Variants in GRAMD1B observed in about 807,000 individuals in gnomAD.
The protein encoded by GRAMD1B is GRAM domain containing 1B.
GRAMD1B carries 37 observed loss-of-function variants against 99.7 expected under a neutral mutation model. That is an observed-to-expected ratio of 0.37 (90% CI 0.29 to 0.49). The LOEUF (loss-of-function observed/expected upper bound fraction) is 0.49. Among genes scored for constraint, GRAMD1B ranks in the 20% least tolerant of loss-of-function variants. GRAMD1B has a pLI of 0.98. For missense variants in GRAMD1B, 888 were observed against 1,009.2 expected, an observed-to-expected ratio of 0.88 and a Z score of 1.63; for synonymous variants, 427 against 387.6, an observed-to-expected ratio of 1.10 and a Z score of -1.19.
chr11:123,562,490 C>T lies in GRAMD1B; in HGVS notation c.453-14877C>T, dbSNP rs116050781. Among the ~76,000 whole-genome samples, 1,155 of 152,326 alleles carry T rather than the reference C, an allele frequency of 7.6e-3. 11 individuals are homozygous for T. The highest frequency in any genetic ancestry group is 0.02 in the African/African-American group (825 of 41,572). On this transcript the variant is annotated intron_variant, in intron 2 of 19. Transcript: ENST00000635736. ...GAAGCAGTCGTGGACAATTTATGAA[C>T]GAACGAGCATGGCTGTGTTCCCAAT...
At chr11:123,450,855 G>A (rs73607991) in intron 1 of GRAMD1B, among the ~76,000 whole-genome samples, 12,832 of 152,244 alleles carry the variant, frequency 0.084, 649 homozygotes, top group African/African-American at 0.14. Context: ...CTCTTCTGGT[G>A]TTTGTGGGAG....
chr11:123,527,398 G>T (rs1159167322), intron 2 of GRAMD1B, among the ~76,000 whole-genome samples: 1 of 152,210 alleles, frequency 6.6e-6, no homozygotes, highest in East Asian at 1.9e-4. Flanking sequence ...AAGGCACTTT[G>T]CAGAAGGCAA....
At chr11:123,366,969 T>C (rs1394700384) in intron 1 of GRAMD1B, among the ~76,000 whole-genome samples, 1 of 152,158 alleles carries the variant, frequency 6.6e-6, no homozygotes, top group Non-Finnish European at 1.5e-5. Context: ...TTTGGGAGGC[T>C]AAGGTGGGAG....
chr11:123,478,381 T>C (rs1324109661), intron 1 of GRAMD1B, among the ~76,000 whole-genome samples: 2 of 152,232 alleles, frequency 1.3e-5, no homozygotes, highest in Non-Finnish European at 2.9e-5. Context: ...TGAATACTTG[T>C]TGGATGCATG....
chr11:123,570,421 C>CTTTTTTTTTTTTTTTTTT (rs755038860), intron 2 of GRAMD1B, among the ~76,000 whole-genome samples: 3 of 130,578 alleles, frequency 2.3e-5, no homozygotes, highest in Non-Finnish European at 4.8e-5. Flanking sequence ...TTTTTCTTTT[C>CTTTTTTTTTTTTTTTTTT]TTTTTTTTTT....
chr11:123,390,540 T>C (rs1164110016), intron 1 of GRAMD1B, among the ~76,000 whole-genome samples: 2 of 152,274 alleles, frequency 1.3e-5, no homozygotes, highest in South Asian at 2.1e-4. Context: ...ACTACTGTTA[T>C]GATTCTCAGC....
chr11:123,556,838 A>AT (rs1946232432), intron 2 of GRAMD1B, among the ~76,000 whole-genome samples: 1 of 152,166 alleles, frequency 6.6e-6, no homozygotes, highest in Admixed American at 6.5e-5. Flanking sequence ...TCAGCTGGTC[A>AT]CCCCAGAGTT....
intron 5 of GRAMD1B, 67 bp from the exon 6 acceptor site, chr11:123,594,668 T>C (rs1951056741): frequency 1.2e-6 from 1 of 811,530 alleles, no homozygotes; most frequent in South Asian, 1.4e-5. Context: ...ATGACATGCC[T>C]ACTCTGCAGT....
chr11:123,376,534 A>G (rs566846007), intron 1 of GRAMD1B, among the ~76,000 whole-genome samples: 14 of 152,352 alleles, frequency 9.2e-5, no homozygotes, highest in African/African-American at 3.1e-4. Flanking sequence ...TGATACAGAC[A>G]ATCGGAACTA....
At chr11:123,609,411 A>AGAGGAGAGGGC (rs1341593849) in intron 12 of GRAMD1B, among the ~76,000 whole-genome samples, 1 of 152,152 alleles carries the variant, frequency 6.6e-6, no homozygotes. Flanking sequence ...CTGTGTGCCA[A>AGAGGAGAGGGC]GAGGAGAGGG....
intron 1 of GRAMD1B, among the ~76,000 whole-genome samples, chr11:123,463,154 A>G (rs979088194): frequency 6.6e-6 from 1 of 152,174 alleles, no homozygotes; most frequent in Non-Finnish European, 1.5e-5. Context: ...AACTACAGGC[A>G]TGGGCCACCA....
intron 11 of GRAMD1B, among the ~76,000 whole-genome samples, 186 bp downstream of exon 11, chr11:123,606,984 C>T (rs1334749468): frequency 6.6e-6 from 1 of 152,150 alleles, no homozygotes; most frequent in African/African-American, 2.4e-5. Context: ...GTAGGAGCCT[C>T]CCATAGATAA....
Position 123,622,591 on chromosome 11 carries a change from A to C in GRAMD1B, c.2630A>C (p.His877Pro). 1 of 1,540,652 alleles carries C rather than the reference A, an allele frequency of 6.5e-7. No individual in the cohort carries two copies. The highest frequency in any genetic ancestry group is 8.8e-7 in the Non-Finnish European group (1 of 1,136,754). Reference protein sequence around the residue: ...SESEEKRNRYH With the variant: ...SESEEKRNRYP ...AGTGAAGAAAAGAGGAATCGCTATCATTGACAAGGCAGGAACAGGGTGGCT... is the reference window on the plus strand; with the variant it reads ...AGTGAAGAAAAGAGGAATCGCTATCCTTGACAAGGCAGGAACAGGGTGGCT... Residue 877 changes from histidine (H) to proline (P), a missense_variant, in exon 20 of 20, where the codon CAT becomes CCT. His to Pro is a moderately conservative substitution (Grantham distance 77, BLOSUM62 -2). Coordinates refer to ENST00000635736, the MANE Select transcript of GRAMD1B (RefSeq NM_001387025.1).
intron 1 of GRAMD1B, among the ~76,000 whole-genome samples, chr11:123,368,106 T>C (rs1946382138): frequency 1.3e-5 from 2 of 151,414 alleles, no homozygotes; most frequent in African/African-American, 4.9e-5. Flanking sequence ...ATACAAAAAT[T>C]AGCTGGGCGT....
intron 6 of GRAMD1B, 46 bp from the exon 7 acceptor site, chr11:123,595,896 T>A: frequency 9.4e-7 from 1 of 1,060,060 alleles, no homozygotes; most frequent in Non-Finnish European, 1.4e-6. Context: ...GACTTACTAA[T>A]GCCCCACTTT....
At chr11:123,423,247 CA>C (rs1948518817) in intron 1 of GRAMD1B, among the ~76,000 whole-genome samples, 2 of 149,918 alleles carry the variant, frequency 1.3e-5, no homozygotes, top group East Asian at 1.9e-4. Flanking sequence ...ATAAGACACA[CA>C]CACACACACA....
chr11:123,378,923 T>A (rs1211106060), intron 1 of GRAMD1B, among the ~76,000 whole-genome samples: 1 of 152,202 alleles, frequency 6.6e-6, no homozygotes, highest in African/African-American at 2.4e-5. Flanking sequence ...AGGCCACCTG[T>A]GTTCAGTCTT....
chr11:123,437,211 C>T (rs1000777868), intron 1 of GRAMD1B, among the ~76,000 whole-genome samples: 3 of 152,168 alleles, frequency 2.0e-5, no homozygotes, highest in African/African-American at 7.2e-5. Context: ...ATAGCGTAGC[C>T]TGCAGTTGAT....
At chr11:123,560,573 C>A in intron 2 of GRAMD1B, 1 of 639,888 alleles carries the variant, frequency 1.6e-6, no homozygotes, top group Non-Finnish European at 2.5e-6. Context: ...CCCGCCCCCG[C>A]CCCCCACTGC....
Sources: allele counts gnomAD v4.1 joint callset (sites outside exome capture counted in the v4.1 genomes callset), GRCh38; gene constraint gnomAD v4.1.1; transcripts MANE v1.5; gene names NCBI Gene and HGNC (gene_info 2026-07-23, HGNC 2026-07-21).